The following RHOT1 variants were observed in gnomAD, a reference collection of about 807,000 sequenced individuals.
RHOT1 encodes mitochondrial Rho GTPase 1.
A neutral mutation model predicts 95.3 loss-of-function variants in RHOT1; 27 were observed. The ratio of observed to expected loss-of-function variants is 0.28; its 90% CI spans 0.21 to 0.39. The LOEUF (loss-of-function observed/expected upper bound fraction) is 0.39. Among genes scored for constraint, RHOT1 ranks in the 10% least tolerant of loss-of-function variants. The pLI, the probability that RHOT1 is intolerant of heterozygous loss-of-function variation, is 1.00. For missense variants in RHOT1, 578 were observed against 786.7 expected, an observed-to-expected ratio of 0.73 and a Z score of 3.17; for synonymous variants, 227 against 263.5, an observed-to-expected ratio of 0.86 and a Z score of 1.34.
At position 32,222,885 on chromosome 17, in the gene RHOT1, A is replaced by G. The variant is rs973621284; in HGVS notation, c.1863-1731A>G. ...TCTTCATGGAGTCATCTCATGGTCC[A>G]CTTTTTCTTGAAGCCAGGTAACATT... On this transcript the variant is annotated intron_variant, in intron 19 of 19. Coordinates refer to ENST00000545287, the MANE Select transcript of RHOT1 (RefSeq NM_001033566.3). 9 of 985,664 alleles carry G rather than the reference A, an allele frequency of 9.1e-6. No individual in the cohort carries two copies. In the African/African-American group the frequency reaches 1.6e-4, roughly 17 times the overall value. 61.1% of individuals were successfully genotyped at this position (985,664 alleles called of 1,614,324 possible). A position where few individuals can be genotyped will look rare whatever the true frequency, so the allele number is the denominator to read the frequency against.
intron 1 of RHOT1, among the ~76,000 whole-genome samples, chr17:32,167,622 A>T (rs2034206111): frequency 2.0e-5 from 3 of 152,180 alleles, no homozygotes; most frequent in Admixed American, 2.0e-4. Flanking sequence ...ACTGGCTTCC[A>T]CTTAAAGGCA....
intron 10 of RHOT1, 150 bp from the exon 11 acceptor site, chr17:32,193,837 A>G (rs779220674): frequency 1.9e-5 from 18 of 948,446 alleles, no homozygotes; most frequent in Non-Finnish European, 2.7e-5. Flanking sequence ...GCTCTGTTTC[A>G]TTGAGATACT....
intron 9 of RHOT1, among the ~76,000 whole-genome samples, chr17:32,192,780 T>G (rs958440024): frequency 2.0e-5 from 3 of 151,830 alleles, no homozygotes; most frequent in East Asian, 1.9e-4. Flanking sequence ...CAAGCGATTC[T>G]CCTGCCTCAG....
chr17:32,147,180 G>A (rs916298271), intron 1 of RHOT1, among the ~76,000 whole-genome samples: 1 of 151,604 alleles, frequency 6.6e-6, no homozygotes, highest in African/African-American at 2.4e-5. Flanking sequence ...AAGTAACTGG[G>A]ATTACAGGCG....
At chr17:32,196,491 C>G (rs904936916) in intron 11 of RHOT1, among the ~76,000 whole-genome samples, 8 of 152,146 alleles carry the variant, frequency 5.3e-5, no homozygotes, top group Non-Finnish European at 8.8e-5. Flanking sequence ...CACACCTGGT[C>G]TAAAATCCAA....
chr17:32,185,389 C>T (rs756238733), intron 8 of RHOT1, among the ~76,000 whole-genome samples: 15 of 151,964 alleles, frequency 9.9e-5, no homozygotes, highest in Non-Finnish European at 1.6e-4. Flanking sequence ...GAATTATAGG[C>T]GTGAACTACT....
Position 32,150,788 on chromosome 17 carries a change from C to T in RHOT1, c.37+8059C>T. The T allele has an allele frequency of 2.6e-6, 4 of 1,568,570 alleles. No homozygotes were observed. The South Asian group carries it at 3.5e-5, about 14-fold the overall frequency. On this transcript the variant is annotated intron_variant, in intron 1 of 19. Transcript: ENST00000545287. ...ATTTGGAAGTCACTTGTGGGACTCT[C>T]AGTGAAGGTAGAGTTCCATGCCCAA... is the stretch of plus-strand genomic sequence containing the variant.
At chr17:32,167,004 A>G (rs1009276190) in intron 1 of RHOT1, among the ~76,000 whole-genome samples, 2 of 152,196 alleles carry the variant, frequency 1.3e-5, no homozygotes, top group African/African-American at 4.8e-5. Flanking sequence ...TATGGCAGCT[A>G]TATATAGGCT....
intron 1 of RHOT1, among the ~76,000 whole-genome samples, chr17:32,162,306 T>C (rs576007349): frequency 7.2e-5 from 11 of 152,304 alleles, no homozygotes; most frequent in East Asian, 1.9e-4. Context: ...TCCTATCATA[T>C]AGGAAATTCC....
At chr17:32,219,328 A>G (rs528885238) in intron 19 of RHOT1, among the ~76,000 whole-genome samples, 10 of 152,194 alleles carry the variant, frequency 6.6e-5, no homozygotes, top group South Asian at 2.1e-4. Flanking sequence ...CCCTTCCGCT[A>G]TGTTGCCCAG....
intron 14 of RHOT1, among the ~76,000 whole-genome samples, chr17:32,201,851 T>C (rs1475834844): frequency 6.6e-6 from 1 of 152,158 alleles, no homozygotes; most frequent in Non-Finnish European, 1.5e-5. Context: ...CACTAGTATC[T>C]CTGGTGAGGT....
intron 1 of RHOT1, among the ~76,000 whole-genome samples, chr17:32,164,897 A>G (rs565914664): frequency 2.0e-5 from 3 of 151,794 alleles, no homozygotes; most frequent in Non-Finnish European, 4.4e-5. Flanking sequence ...GGTGGCTCAC[A>G]CCTATAATCC....
chr17:32,153,013 G>A (rs2032514535), intron 1 of RHOT1, among the ~76,000 whole-genome samples: 2 of 152,108 alleles, frequency 1.3e-5, no homozygotes, highest in South Asian at 4.1e-4. Flanking sequence ...TGTTGTCCAG[G>A]CTGGTCTAGA....
At chr17:32,149,679 A>G (rs1476098329) in intron 1 of RHOT1, among the ~76,000 whole-genome samples, 3 of 138,816 alleles carry the variant, frequency 2.2e-5, no homozygotes, top group Admixed American at 7.3e-5. Flanking sequence ...ACATGCATAC[A>G]TACATACACT....
At chr17:32,217,940 G>A (rs867131573) in intron 19 of RHOT1, among the ~76,000 whole-genome samples, 35 of 151,276 alleles carry the variant, frequency 2.3e-4, no homozygotes, top group African/African-American at 7.8e-4. Flanking sequence ...TCAGCTCATC[G>A]CAACCCCCAC....
At chr17:32,199,132 C>G (rs1457197245) in intron 12 of RHOT1, 101 bp downstream of exon 12, 2 of 929,766 alleles carry the variant, frequency 2.2e-6, no homozygotes, top group Non-Finnish European at 3.3e-6. Flanking sequence ...TGTTACATAG[C>G]CAAAAACTGC....
intron 1 of RHOT1, among the ~76,000 whole-genome samples, chr17:32,149,631 A>G (rs369661050): frequency 0.11 from 9,634 of 86,260 alleles, 1,601 homozygotes; most frequent in African/African-American, 0.39. Context: ...ATATATATAT[A>G]TATATGTGTG....
chr17:32,204,633 A>AT (rs1364596999), intron 16 of RHOT1, among the ~76,000 whole-genome samples: 3 of 146,902 alleles, frequency 2.0e-5, no homozygotes, highest in Admixed American at 6.6e-5. Flanking sequence ...ATTTAAAAAA[A>AT]TTAAAAAAAA....
intron 10 of RHOT1, 48 bp from the exon 11 acceptor site, chr17:32,193,939 C>T (rs41274290): frequency 0.028 from 44,852 of 1,588,586 alleles, 750 homozygotes; most frequent in Non-Finnish European, 0.032. Flanking sequence ...ACATGCTTTT[C>T]TCCTATGTGA....
Sources: allele counts gnomAD v4.1 joint callset (sites outside exome capture counted in the v4.1 genomes callset), GRCh38; gene constraint gnomAD v4.1.1; transcripts MANE v1.5; gene names NCBI Gene and HGNC (gene_info 2026-07-23, HGNC 2026-07-21).